Variants in PKD1 observed in about 807,000 individuals in gnomAD.
PKD1 encodes polycystin 1, transient receptor potential channel interacting.
In PKD1, 81 loss-of-function variants were observed where a neutral mutation model predicts 361.7. The observed-to-expected ratio is 0.22, with a 90% confidence interval of 0.19 to 0.27. The LOEUF (loss-of-function observed/expected upper bound fraction) is 0.27, where lower values mean the gene tolerates loss of function less well. PKD1 is among the 10% of genes least tolerant of loss of function. PKD1 has a pLI of 1.00. For missense variants in PKD1, 6,399 were observed against 6,118.3 expected, an observed-to-expected ratio of 1.05 and a Z score of -1.53; for synonymous variants, 3,615 against 2,818.3, an observed-to-expected ratio of 1.28 and a Z score of -8.95.
chr16:2,106,250 C>A lies in PKD1; in HGVS notation c.7544G>T (p.Arg2515Leu), dbSNP rs2432404. 6.2e-7 allele frequency: 1 copy of A among 1,610,256 alleles called. No homozygotes were observed. The highest frequency in any genetic ancestry group is 1.3e-5 in the African/African-American group (1 of 74,962). Residue 2515 changes from arginine to leucine, a missense_variant, in exon 19 of 46, where the codon CGG (arginine) becomes CTG (leucine). By Grantham distance (102) the Arg-to-Leu change is moderately radical. Coordinates refer to ENST00000262304, the MANE Select transcript of PKD1 (RefSeq NM_001009944.3). The surrounding 1 kb of genome is among the most constrained non-coding windows in gnomAD (Gnocchi z 6.5). ...CTCGCAGTGGCCCTGGCGACAGCGC[C>A]GCAGCAGCAGGGCGTACACCAGCGG... is the stretch of plus-strand genomic sequence containing the variant. ...GAPLVYALLLRRCRQGHCEEF... is the reference protein window; with the variant it reads ...GAPLVYALLLLRCRQGHCEEF...
chr16:2,095,609 C>T (rs549681471), intron 34 of PKD1, among the ~76,000 whole-genome samples: 1 of 152,272 alleles, frequency 6.6e-6, no homozygotes, highest in South Asian at 2.1e-4. Flanking sequence ...CAGGGAAGGC[C>T]GTGCTCTGCG....
In PKD1 at chr16:2,090,844, G is replaced by A. The variant is rs376170375; in HGVS notation, c.12004-36C>T. On this transcript the variant is annotated intron_variant, in intron 43 of 45. Coordinates refer to ENST00000262304, the MANE Select transcript of PKD1 (RefSeq NM_001009944.3). ...GAAATCTGTCTGCTTGCAGCCCTGG[G>A]GTGTGCGCCCAGCCCCGCGCCCACC... The A allele has an allele frequency of 3.8e-5, 62 of 1,610,498 alleles. No individual in the cohort carries two copies. In the African/African-American group the frequency reaches 6.7e-4, roughly 17 times the overall value.
chr16:2,109,468 G>A lies in PKD1; in HGVS notation c.5699C>T (p.Ala1900Val), dbSNP rs140902597. 47 of 1,608,240 alleles carry A rather than the reference G, an allele frequency of 2.9e-5. 1 individual carries two copies. The highest frequency in any genetic ancestry group is 6.7e-5 in the African/African-American group (5 of 74,858). ...CTGAAAATGGACCAGCTGCCCGGGCGCCACCACCTTGCTGCTGGCCCACAG... is the reference window on the plus strand; with the variant it reads ...CTGAAAATGGACCAGCTGCCCGGGCACCACCACCTTGCTGCTGGCCCACAG... ...LVLWASSKVV[A>V]PGQLVHFQIL... Residue 1900 changes from alanine (A) to valine (V), a missense_variant, in exon 15 of 46, where the codon GCG (alanine) becomes GTG (valine). Physicochemically the swap from Ala to Val is moderately conservative, Grantham distance 64 (BLOSUM62 0). Transcript: ENST00000262304.
chr16:2,096,228 G>A (rs372363208), intron 34 of PKD1, among the ~76,000 whole-genome samples: 5 of 152,258 alleles, frequency 3.3e-5, no homozygotes, highest in Admixed American at 1.3e-4. Context: ...CGCAGCCCCT[G>A]TGCATGCAGG....
rs1449878294 is a variant in PKD1 at position 2,093,635 on chromosome 16, C to T, written c.10925G>A (p.Arg3642His). 8.7e-6 allele frequency: 14 copies of T among 1,609,408 alleles called. No individual in the cohort carries two copies. Among genetic ancestry groups the T allele is most frequent in the African/African-American group, 5.3e-5 (4 of 74,862 alleles). Residue 3642 changes from arginine to histidine, a missense_variant, in exon 37 of 46, where the codon CGT (arginine) becomes CAT (histidine). Arg to His is a conservative substitution (Grantham distance 29). Coordinates refer to ENST00000262304, the MANE Select transcript of PKD1 (RefSeq NM_001009944.3). The part of the protein sequence containing the change: ...ESPAVTPVSA[R>H]VPRVRPPHGF... ...GTGGGGTGGCCGTACGCGGGGCACA[C>T]GTGCGCTCACAGGCGTCACAGCCGG... is the stretch of plus-strand genomic sequence containing the variant.
chr16:2,099,332 C>G (rs1300343360), intron 30 of PKD1: 1 of 404,776 alleles, frequency 2.5e-6, no homozygotes, highest in Non-Finnish European at 4.7e-6. Context: ...AGATTTTCTT[C>G]TGGAGTGCAT....
chr16:2,113,474 C>G, intron 11 of PKD1, 182 bp from the exon 12 acceptor site: 1 of 678,264 alleles, frequency 1.5e-6, no homozygotes, highest in South Asian at 1.7e-5. Flanking sequence ...GTCCGGCTCT[C>G]CAGCCAGCCA....
At position 2,116,682 on chromosome 16, in the gene PKD1, G is replaced by A. The variant is rs778913194; in HGVS notation, c.1607-38C>T. On this transcript the variant is annotated intron_variant, in intron 7 of 45. Transcript: ENST00000262304. ...GTGCACAGTGAGGCGCCGGGCCAGG[G>A]CCCAGGACACCAGGACGAACAGACT... 7.0e-5 allele frequency: 90 copies of A among 1,283,094 alleles called. 1 individual carries two copies. The East Asian group carries it at 2.0e-3, about 28-fold the overall frequency. The allele number at this position is 1,283,094 out of a possible 1,614,324, so 79.5% of individuals were successfully genotyped here.
In PKD1 at chr16:2,117,643, C is replaced by T. The variant is rs781562106; in HGVS notation, c.1231G>A (p.Glu411Lys). Residue 411 changes from glutamate to lysine, a missense_variant, in exon 6 of 46, where the codon GAG becomes AAG. Glu to Lys is a moderately conservative substitution (Grantham distance 56). Coordinates refer to ENST00000262304, the MANE Select transcript of PKD1 (RefSeq NM_001009944.3). ...AVHPLCPSDT[E>K]IFPGNGHCYR... ...CAGTGCCCGTTGCCAGGGAAGATCT[C>T]CGTGTCCGAGGGGCAGAGCGGGTGC... 1 of 1,610,634 alleles carries T rather than the reference C, an allele frequency of 6.2e-7. No individual in the cohort carries two copies. Among genetic ancestry groups the T allele is most frequent in the Non-Finnish European group, 8.5e-7 (1 of 1,179,674 alleles).
intron 1 of PKD1, among the ~76,000 whole-genome samples, chr16:2,130,177 G>A (rs755280066): frequency 2.1e-4 from 32 of 152,206 alleles, no homozygotes; most frequent in East Asian, 7.7e-4. Flanking sequence ...GCCCGAGTGC[G>A]GGAGCCACGT....
Position 2,112,290 on chromosome 16 carries a change from C to T in PKD1, c.3295+50G>A, listed in dbSNP as rs752769387. On this transcript the variant is annotated intron_variant, in intron 14 of 45. Coordinates refer to ENST00000262304, the MANE Select transcript of PKD1 (RefSeq NM_001009944.3). ...CTTGACTGGGGAGCTGGGGGGACCC[C>T]GTGCTCAGAGCCTGAAAGGCAGTGG... 4.0e-5 allele frequency: 61 copies of T among 1,527,132 alleles called. 1 individual carries two copies. Among genetic ancestry groups the T allele is most frequent in the Admixed American group, 8.8e-5 (5 of 56,716 alleles). The allele number at this position is 1,527,132 out of a possible 1,614,324, so 94.6% of individuals were successfully genotyped here.
At chr16:2,093,385 C>T (rs1455304068) in intron 37 of PKD1, 159 bp downstream of exon 37, 17 of 752,812 alleles carry the variant, frequency 2.3e-5, no homozygotes, top group South Asian at 7.2e-5. Flanking sequence ...AAGTGGGGGG[C>T]GTGGGGTAGG....
rs1446638240 is a variant in PKD1, at chr16:2,099,856, C to T, written c.9923+5G>A. On this transcript the variant is annotated splice_donor_5th_base_variant and intron_variant, in intron 29 of 45. Coordinates refer to ENST00000262304, the MANE Select transcript of PKD1 (RefSeq NM_001009944.3). ...AGAGGCTGCCCCGACCCCTACGGCA[C>T]CCACCTGTAGGCAGAGTCGCCAACA... 3.1e-5 allele frequency: 49 copies of T among 1,564,804 alleles called. No individual in the cohort carries two copies. The highest frequency in any genetic ancestry group is 4.1e-5 in the African/African-American group (3 of 73,808).
At chr16:2,121,075 A>C (rs1465146500) in intron 1 of PKD1, among the ~76,000 whole-genome samples, 1 of 151,942 alleles carries the variant, frequency 6.6e-6, no homozygotes, top group African/African-American at 2.4e-5. Flanking sequence ...GAAAAGGAGA[A>C]GGGGAAAGAG....
chr16:2,104,350 T>C, intron 22 of PKD1, 148 bp downstream of exon 22: 2 of 454,466 alleles, frequency 4.4e-6, no homozygotes, highest in Non-Finnish European at 7.9e-6. Context: ...GAATGGGAAT[T>C]GGGGGAGGGG....
chr16:2,089,827 G>A lies in PKD1; in HGVS notation c.12812C>T (p.Pro4271Leu). Reference protein sequence around the residue: ...GPSPGLRPALPSRLARASRGV... With the variant: ...GPSPGLRPALLSRLARASRGV... Reference sequence around the variant, plus strand: ...CCGACTGGCCCGGGCAAGGCGGCTGGGCAGTGCTGGCCGCAGGCCCGGGGA... The same window carrying A: ...CCGACTGGCCCGGGCAAGGCGGCTGAGCAGTGCTGGCCGCAGGCCCGGGGA... The change falls in exon 46 of 46, where the codon CCC (proline) becomes CTC (leucine). Residue 4271 changes from proline (P) to leucine (L), a missense_variant. Physicochemically the swap from Pro to Leu is moderately conservative, Grantham distance 98. Coordinates refer to ENST00000262304, the MANE Select transcript of PKD1 (RefSeq NM_001009944.3). 6.2e-7 allele frequency: 1 copy of A among 1,603,616 alleles called. No homozygotes were observed. Among genetic ancestry groups the A allele is most frequent in the Non-Finnish European group, 8.5e-7 (1 of 1,175,872 alleles).
In PKD1 at chr16:2,110,494, G is replaced by C. The variant is rs774238210; in HGVS notation, c.4673C>G (p.Thr1558Arg). 1 of 1,612,350 alleles carries C rather than the reference G, an allele frequency of 6.2e-7. No individual in the cohort carries two copies. The highest frequency in any genetic ancestry group is 2.2e-5 in the East Asian group (1 of 44,892). ...VRGLVVNASRTVVPLNGSVSF... is the reference protein window; with the variant it reads ...VRGLVVNASRRVVPLNGSVSF... ...CACGCTCCCATTCAGGGGCACCACC[G>C]TGCGGCTTGCATTGACGACGAGCCC... The change falls in exon 15 of 46, where the codon ACG (threonine) becomes AGG (arginine). Residue 1558 changes from threonine to arginine, a missense_variant. Thr to Arg is a moderately conservative substitution (Grantham distance 71). Transcript: ENST00000262304.
At position 2,118,656 on chromosome 16, in the gene PKD1, C is replaced by T. The variant is rs1250382834; in HGVS notation, c.529+20G>A. 1 of 1,336,992 alleles carries T rather than the reference C, an allele frequency of 7.5e-7. No homozygotes were observed. Among genetic ancestry groups the T allele is most frequent in the Middle Eastern group, 2.5e-4 (1 of 3,944 alleles). The allele number at this position is 1,336,992 out of a possible 1,614,324, so 82.8% of individuals were successfully genotyped here. A position where few individuals can be genotyped will look rare whatever the true frequency, so the allele number is the denominator to read the frequency against. The stretch of plus-strand genomic sequence containing the variant: ...ACCTGGCTGGGAAGGACAGAGCTGG[C>T]CCCACCCACCGGCACTCACCACAGC... On this transcript the variant is annotated intron_variant, in intron 4 of 45. Coordinates refer to ENST00000262304, the MANE Select transcript of PKD1 (RefSeq NM_001009944.3). This position sits in a 1 kb window ranked among gnomAD's most constrained non-coding sequence, Gnocchi z 6.0.
At position 2,090,304 on chromosome 16, in the gene PKD1, C is replaced by T. The variant is rs757407982; in HGVS notation, c.12425G>A (p.Gly4142Asp). 2 of 1,610,616 alleles carry T rather than the reference C, an allele frequency of 1.2e-6. No homozygotes were observed. The highest frequency in any genetic ancestry group is 1.3e-5 in the African/African-American group (1 of 74,872). The change falls in exon 45 of 46, where the codon GGC becomes GAC. Residue 4142 changes from glycine (G) to aspartate (D), a missense_variant. Gly to Asp is a moderately conservative substitution (Grantham distance 94, BLOSUM62 -1). Coordinates refer to ENST00000262304, the MANE Select transcript of PKD1 (RefSeq NM_001009944.3). ...LFLRRLRLWM[G>D]LSKVKEFRHK... ...ACCCACCTCCTTGACCTTGCTGAGG[C>T]CCATCCAGAGGCGCAGCCTGCGCAG... is the stretch of plus-strand genomic sequence containing the variant.
Sources: gnomAD v4.1 joint callset for allele counts (sites outside exome capture counted in the v4.1 genomes callset) on GRCh38, gnomAD v4.1.1 for gene constraint, Gnocchi (gnomAD v3.1) non-coding constraint, MANE v1.5 for transcripts, NCBI Gene and HGNC (gene_info 2026-07-23, HGNC 2026-07-21) for gene names.